TMX2: variants seen among roughly 807,000 people sequenced by gnomAD.
TMX2 encodes the protein thioredoxin-related transmembrane protein 2.
Under a neutral mutation model 33.4 loss-of-function variants are expected in TMX2, and 20 were observed. The observed-to-expected ratio is 0.60, with a 90% CI of 0.42 to 0.87. The LOEUF is 0.87. TMX2 is among the 40% of genes least tolerant of loss of function. The probability of loss-of-function intolerance (pLI) is 0.00; values close to 1 mark genes in which losing one functional copy is unlikely to be tolerated. For missense variants in TMX2, 340 were observed against 370.7 expected (o/e 0.92, Z 0.68); for synonymous variants, 166 against 140.7 (o/e 1.18, Z -1.27).
rs746539837 is a variant in TMX2, at chr11:57,740,178, C to T, written c.824C>T (p.Pro275Leu). ...CTATCAAAGGCTGGAGACAATATCC[C>T]TGAGGAGCAGCCTGTGGCTTCAACC... The part of the protein sequence containing the change: ...KKLSKAGDNI[P>L]EEQPVASTPT... The change falls in exon 8 of 8, where the codon CCT (proline) becomes CTT (leucine). Residue 275 changes from proline to leucine, a missense_variant. Transcript: ENST00000278422. 2 of 1,613,972 alleles carry T rather than the reference C, an allele frequency of 1.2e-6. No homozygotes were observed. The highest frequency in any genetic ancestry group is 1.7e-5 in the Admixed American group (1 of 59,990).
intron 1 of TMX2, among the ~76,000 whole-genome samples, chr11:57,714,779 A>G (rs534289911): frequency 2.9e-4 from 44 of 152,124 alleles, no homozygotes; most frequent in African/African-American, 1.1e-3. Context: ...TTTTTTTTCA[A>G]GGTGGGGTCT....
chr11:57,714,997 T>G (rs1946882290), intron 1 of TMX2, among the ~76,000 whole-genome samples: 1 of 152,198 alleles, frequency 6.6e-6, no homozygotes, highest in Non-Finnish European at 1.5e-5. Flanking sequence ...CCAGTTTTAT[T>G]TTCATTAGAC....
At chr11:57,732,571 C>A (rs1237628333) in intron 1 of TMX2, among the ~76,000 whole-genome samples, 1 of 152,024 alleles carries the variant, frequency 6.6e-6, no homozygotes. Flanking sequence ...ATGCAAAATG[C>A]TGGAAGTTTT....
chr11:57,738,461 G>T (rs1367594496), intron 4 of TMX2, 31 bp downstream of exon 4: 5 of 1,529,208 alleles, frequency 3.3e-6, no homozygotes, highest in Non-Finnish European at 2.7e-6. Flanking sequence ...CTGTTTCTTG[G>T]GTCCCTTGTG....
chr11:57,735,185 C>G (rs763909808), intron 1 of TMX2, among the ~76,000 whole-genome samples: 1 of 151,858 alleles, frequency 6.6e-6, no homozygotes, highest in African/African-American at 2.4e-5. Context: ...TTTACAAAGT[C>G]TGTCATGCTC....
At chr11:57,717,724 A>AAGGGAGAGGGGAGAGGGGAGG in intron 1 of TMX2, among the ~76,000 whole-genome samples, 1 of 30,662 alleles carries the variant, frequency 3.3e-5, no homozygotes, top group Non-Finnish European at 5.4e-5. Context: ...CGAGAGGGAG[A>AAGGGAGAGGGGAGAGGGGAGG]GGGGAGAGGG....
intron 1 of TMX2, among the ~76,000 whole-genome samples, chr11:57,716,952 G>A (rs1173244021): frequency 1.1e-4 from 17 of 151,422 alleles, no homozygotes; most frequent in East Asian, 2.0e-4. Flanking sequence ...CAGATGGGGC[G>A]GATGCTGGGC....
chr11:57,723,501 G>A (rs1232040587), intron 1 of TMX2, among the ~76,000 whole-genome samples: 2 of 124,756 alleles, frequency 1.6e-5, no homozygotes, highest in Non-Finnish European at 1.7e-5. Context: ...AAAATTCATC[G>A]CAAAAAAAAA....
intron 1 of TMX2, among the ~76,000 whole-genome samples, chr11:57,715,151 G>A (rs1052435321): frequency 6.6e-6 from 1 of 152,140 alleles, no homozygotes; most frequent in African/African-American, 2.4e-5. Context: ...TGTAATCCCA[G>A]CACTTTGGGA....
rs1006772380 is a variant in TMX2, at chr11:57,718,201, G to C, written c.189+5394G>C. The C allele has an allele frequency of 2.9e-6, 4 of 1,362,636 alleles. No individual in the cohort carries two copies. The African/African-American group carries it at 5.7e-5, about 20-fold the overall frequency. The allele number at this position is 1,362,636 out of a possible 1,614,324, so 84.4% of individuals were successfully genotyped here. A position where few individuals can be genotyped will look rare whatever the true frequency, so the allele number is the denominator to read the frequency against. ...TCACTCTTGGCAGTGTAGATGAAAA[G>C]CTGGGAACCTTTTGTGTTGGGTCCA... On this transcript the variant is annotated intron_variant, in intron 1 of 7. Transcript: ENST00000278422.
intron 1 of TMX2, among the ~76,000 whole-genome samples, chr11:57,720,016 C>T (rs189088449): frequency 2.0e-5 from 3 of 151,542 alleles, no homozygotes; most frequent in East Asian, 1.9e-4. Flanking sequence ...TGGTTGGGCG[C>T]GGTGGCTCAC....
At position 57,737,532 on chromosome 11, in the gene TMX2, C is replaced by T. The variant is rs536443566; in HGVS notation, c.190-76C>T. 3.1e-5 allele frequency: 39 copies of T among 1,239,398 alleles called. No homozygotes were observed. The African/African-American group carries it at 5.0e-4, about 16-fold the overall frequency. 76.8% of individuals were successfully genotyped at this position (1,239,398 alleles called of 1,614,324 possible). On this transcript the variant is annotated intron_variant, in intron 1 of 7. Coordinates refer to ENST00000278422, the MANE Select transcript of TMX2 (RefSeq NM_015959.4). ...TTTGGATCGCTATTGGTTTTTATTA[C>T]ATATTTAGTTCCCTTTCCCACCTAA...
Position 57,727,015 on chromosome 11 carries a change from A to T in TMX2, c.190-10593A>T, listed in dbSNP as rs518804. On this transcript the variant is annotated intron_variant, in intron 1 of 7. Transcript: ENST00000278422. ...CCCTCAGATTCTACCTATAACCCTG[A>T]GTGCCCAAATCTTCACTGTCTTTAT... Among the ~76,000 whole-genome samples the T allele has an allele frequency of 2.1e-3, 312 of 152,154 alleles. 2 individuals carry two copies. The highest frequency in any genetic ancestry group is 7.0e-3 in the African/African-American group (290 of 41,494).
chr11:57,723,805 AAATAATAAT>A lies in TMX2; in HGVS notation c.189+11022_189+11030del, dbSNP rs71061533. On this transcript the variant is annotated intron_variant, in intron 1 of 7. Transcript: ENST00000278422. ...GTGACAGAGCAAGACTCTGTCTCAAAAATAATAATAATAATAATAATAATAATAATAAGC... is the reference window on the plus strand; with the variant it reads ...GTGACAGAGCAAGACTCTGTCTCAAAAATAATAATAATAATAATAATAAGC... 3.0e-4 allele frequency among the ~76,000 whole-genome samples: 42 copies of A among 142,370 alleles called. 1 individual carries two copies. Among genetic ancestry groups the A allele is most frequent in the African/African-American group, 8.5e-4 (33 of 38,894 alleles). The allele number at this position is 142,370 out of a possible 152,430, so 93.4% of individuals were successfully genotyped here.
intron 1 of TMX2, among the ~76,000 whole-genome samples, chr11:57,736,475 A>G (rs934658070): frequency 3.9e-5 from 6 of 152,206 alleles, no homozygotes; most frequent in Admixed American, 1.3e-4. Flanking sequence ...AGAAGGTGAG[A>G]AAACTGTAAG....
intron 1 of TMX2, among the ~76,000 whole-genome samples, chr11:57,725,852 C>T (rs566675): frequency 6.6e-6 from 1 of 152,100 alleles, no homozygotes; most frequent in Non-Finnish European, 1.5e-5. Context: ...TGTGTTACTT[C>T]TGCATCCACC....
chr11:57,731,158 T>C lies in TMX2; in HGVS notation c.190-6450T>C, dbSNP rs868609389. Among the ~76,000 whole-genome samples the C allele has an allele frequency of 1.1e-4, 14 of 127,414 alleles. No individual in the cohort carries two copies. In the Middle Eastern group the frequency reaches 0.017, roughly 156 times the overall value. The allele number at this position is 127,414 out of a possible 152,430, so 83.6% of individuals were successfully genotyped here. Reference sequence around the variant, plus strand: ...TTTTTTTTTTTTTTTTTTTTTGAGATCCAGTTTCACTCTCGCTCAGGCTGG... The same window carrying C: ...TTTTTTTTTTTTTTTTTTTTTGAGACCCAGTTTCACTCTCGCTCAGGCTGG... On this transcript the variant is annotated intron_variant, in intron 1 of 7. Transcript: ENST00000278422.
At chr11:57,724,465 C>T (rs189113013) in intron 1 of TMX2, among the ~76,000 whole-genome samples, 4 of 152,176 alleles carry the variant, frequency 2.6e-5, no homozygotes, top group South Asian at 2.1e-4. Context: ...TAAGAGGGCC[C>T]GTTTTACATG....
intron 7 of TMX2, 69 bp downstream of exon 7, chr11:57,739,329 G>A: frequency 2.5e-6 from 4 of 1,571,070 alleles, no homozygotes; most frequent in Non-Finnish European, 3.5e-6. Context: ...CCCTACCCGG[G>A]TTTGATTCAC....
Sources: allele counts gnomAD v4.1 joint callset (sites outside exome capture counted in the v4.1 genomes callset), GRCh38; gene constraint gnomAD v4.1.1; transcripts MANE v1.5; gene names NCBI Gene and HGNC (gene_info 2026-07-23, HGNC 2026-07-21).